PMEPA1: variants seen among roughly 807,000 people sequenced by gnomAD.
PMEPA1 encodes prostate transmembrane protein, androgen induced 1.
In PMEPA1, 11 loss-of-function variants were observed where a neutral mutation model predicts 23.0. That is an observed-to-expected ratio of 0.48 (90% CI 0.30 to 0.79). The LOEUF is 0.79. PMEPA1 is among the 30% of genes least tolerant of loss of function. The pLI is 0.06. For missense variants in PMEPA1, 377 were observed against 390.9 expected (o/e 0.96, Z 0.30); for synonymous variants, 204 against 166.4 (o/e 1.23, Z -1.74).
intron 1 of PMEPA1, among the ~76,000 whole-genome samples, chr20:57,671,652 T>C (rs2146667249): frequency 6.6e-6 from 1 of 152,302 alleles, no homozygotes; most frequent in East Asian, 1.9e-4. Flanking sequence ...AAACACACCT[T>C]GGTACATCAC....
chr20:57,678,423 G>C (rs2071668204), intron 1 of PMEPA1, among the ~76,000 whole-genome samples: 1 of 152,260 alleles, frequency 6.6e-6, no homozygotes, highest in African/African-American at 2.4e-5. Context: ...GGCATCACCA[G>C]AATCGCCCTG....
At chr20:57,674,521 G>A (rs2071610772) in intron 1 of PMEPA1, among the ~76,000 whole-genome samples, 1 of 152,246 alleles carries the variant, frequency 6.6e-6, no homozygotes, top group Non-Finnish European at 1.5e-5. Flanking sequence ...TGAACAGAGG[G>A]AAATGAGCTG....
chr20:57,660,267 T>C (rs2071394835), intron 1 of PMEPA1, among the ~76,000 whole-genome samples: 1 of 152,022 alleles, frequency 6.6e-6, no homozygotes. Context: ...CATGTGAACG[T>C]GTGTACACAA....
At position 57,709,998 on chromosome 20, in the gene PMEPA1, G is replaced by C; in HGVS notation, c.-416C>G. On this transcript the variant is annotated 5_prime_UTR_variant, in exon 1 of 4. Transcript: ENST00000341744. ...TTTCGCTCCGAGACCGCGGTCGGAG[G>C]CAGGCAGACGGTCTGACGTCAGCGC... is the stretch of plus-strand genomic sequence containing the variant. 2 of 992,012 alleles carry C rather than the reference G, an allele frequency of 2.0e-6. No homozygotes were observed. Among genetic ancestry groups the C allele is most frequent in the Non-Finnish European group, 2.4e-6 (2 of 834,336 alleles). The allele number at this position is 992,012 out of a possible 1,614,324, so 61.5% of individuals were successfully genotyped here.
Position 57,658,638 on chromosome 20 carries a change from A to G in PMEPA1, c.264+905T>C, listed in dbSNP as rs1248406053. ...GATGTGACTGTCAGCCCATTTTACAAATGGGGGATCTGAAGCCCCATTTTG... is the reference window on the plus strand; with the variant it reads ...GATGTGACTGTCAGCCCATTTTACAGATGGGGGATCTGAAGCCCCATTTTG... On this transcript the variant is annotated intron_variant, in intron 2 of 3. Coordinates refer to ENST00000341744, the MANE Select transcript of PMEPA1 (RefSeq NM_020182.5). Among the ~76,000 whole-genome samples, 3 of 152,264 alleles carry G rather than the reference A, an allele frequency of 2.0e-5. No individual in the cohort carries two copies. In the East Asian group the frequency reaches 5.8e-4, roughly 29 times the overall value.
At chr20:57,665,505 G>A (rs1265365593) in intron 1 of PMEPA1, among the ~76,000 whole-genome samples, 3 of 121,570 alleles carry the variant, frequency 2.5e-5, no homozygotes, top group Non-Finnish European at 4.7e-5. Context: ...TACCTCATCT[G>A]TCAAAAAAAA....
intron 1 of PMEPA1, 66 bp from the exon 2 acceptor site, chr20:57,659,763 C>A: frequency 2.0e-6 from 3 of 1,474,604 alleles, no homozygotes; most frequent in African/African-American, 1.4e-5. Flanking sequence ...CAGGGCTCAG[C>A]CCTTTTGAGC....
upstream of PMEPA1, chr20:57,710,336 C>G: frequency 2.0e-6 from 2 of 1,023,240 alleles, no homozygotes; most frequent in Non-Finnish European, 2.7e-6. Context: ...TCCCCTCGCC[C>G]CCGTCCCTGG....
Position 57,650,507 on chromosome 20 carries a change from TC to T in PMEPA1, c.*1545del. The T allele has an allele frequency of 6.6e-6, 1 of 152,226 alleles. No homozygotes were observed. The highest frequency in any genetic ancestry group is 1.5e-5 in the Non-Finnish European group (1 of 68,110). The allele number at this position is 152,226 out of a possible 1,614,324, so 9.4% of individuals were successfully genotyped here. On this transcript the variant is annotated 3_prime_UTR_variant, in exon 4 of 4. Coordinates refer to ENST00000341744, the MANE Select transcript of PMEPA1 (RefSeq NM_020182.5). ...CCTTCACCTGCACGTCACCAGCAGG[TC>T]CCGCCAACCCCAAATCTATCTGGTG...
At chr20:57,663,475 A>C (rs1375956652) in intron 1 of PMEPA1, among the ~76,000 whole-genome samples, 5 of 152,168 alleles carry the variant, frequency 3.3e-5, no homozygotes, top group Non-Finnish European at 7.4e-5. Context: ...ACATGTGCTC[A>C]GCATGTAGTG....
rs558158435 is a variant in PMEPA1 at position 57,656,657 on chromosome 20, C to A, written c.264+2886G>T. Among the ~76,000 whole-genome samples the A allele has an allele frequency of 6.6e-6, 1 of 152,262 alleles. No individual in the cohort carries two copies. Among genetic ancestry groups the A allele is most frequent in the East Asian group, 1.9e-4 (1 of 5,136 alleles). ...CACCCTCAGAGGGCAGATCCTTGCC[C>A]AGTGTCACACAACAAGGAGGTGACA... On this transcript the variant is annotated intron_variant, in intron 2 of 3. Coordinates refer to ENST00000341744, the MANE Select transcript of PMEPA1 (RefSeq NM_020182.5). The surrounding 1 kb of genome is among the most constrained non-coding windows in gnomAD (Gnocchi z 4.7).
At chr20:57,665,921 C>G (rs113727995) in intron 1 of PMEPA1, among the ~76,000 whole-genome samples, 1 of 152,206 alleles carries the variant, frequency 6.6e-6, no homozygotes, top group African/African-American at 2.4e-5. Flanking sequence ...TTTCTCTCCC[C>G]CAAGGGCCCG....
At chr20:57,667,742 C>A (rs1382820423) in intron 1 of PMEPA1, among the ~76,000 whole-genome samples, 1 of 152,214 alleles carries the variant, frequency 6.6e-6, no homozygotes, top group African/African-American at 2.4e-5. Context: ...CCTGGCGGGG[C>A]CTCATTGTCA....
intron 1 of PMEPA1, among the ~76,000 whole-genome samples, chr20:57,692,055 C>T (rs1037286991): frequency 2.6e-5 from 4 of 152,214 alleles, no homozygotes; most frequent in Non-Finnish European, 4.4e-5. Flanking sequence ...CCGGGGCTTA[C>T]GGAGCCACCA....
intron 1 of PMEPA1, among the ~76,000 whole-genome samples, chr20:57,680,570 C>T (rs549657400): frequency 6.6e-6 from 1 of 152,358 alleles, no homozygotes; most frequent in African/African-American, 2.4e-5. Flanking sequence ...ATCTCAGGCA[C>T]AGTGCCGGGT....
chr20:57,709,946 T>G lies in PMEPA1; in HGVS notation c.-364A>C. 3.0e-6 allele frequency: 3 copies of G among 1,010,532 alleles called. No homozygotes were observed. Among genetic ancestry groups the G allele is most frequent in the Non-Finnish European group, 3.5e-6 (3 of 849,694 alleles). The allele number at this position is 1,010,532 out of a possible 1,614,324, so 62.6% of individuals were successfully genotyped here. On this transcript the variant is annotated 5_prime_UTR_variant, in exon 1 of 4. Coordinates refer to ENST00000341744, the MANE Select transcript of PMEPA1 (RefSeq NM_020182.5). The stretch of plus-strand genomic sequence containing the variant: ...CGCCGCCGCCGCCGCCGCCTCCTCC[T>G]CCTCATTCAAGTCCAAGGAGATCGG...
chr20:57,660,891 C>T (rs933485230), intron 1 of PMEPA1, among the ~76,000 whole-genome samples: 3 of 152,188 alleles, frequency 2.0e-5, no homozygotes, highest in Non-Finnish European at 4.4e-5. Flanking sequence ...CCAACACACA[C>T]CCCTCAACAG....
chr20:57,659,281 G>T (rs2071373186), intron 2 of PMEPA1, among the ~76,000 whole-genome samples: 1 of 152,210 alleles, frequency 6.6e-6, no homozygotes, highest in South Asian at 2.1e-4. Flanking sequence ...AGAGTCAGCT[G>T]AGTGCGTGAG....
At chr20:57,671,584 A>G (rs1254149866) in intron 1 of PMEPA1, among the ~76,000 whole-genome samples, 2 of 152,178 alleles carry the variant, frequency 1.3e-5, no homozygotes, top group Admixed American at 6.5e-5. Flanking sequence ...CTGTTCATAT[A>G]TATATATTGC....
Sources: gnomAD v4.1 joint callset for allele counts (sites outside exome capture counted in the v4.1 genomes callset) on GRCh38, gnomAD v4.1.1 for gene constraint, Gnocchi (gnomAD v3.1) non-coding constraint, MANE v1.5 for transcripts, NCBI Gene and HGNC (gene_info 2026-07-23, HGNC 2026-07-21) for gene names.